The following IQSEC3 variants were observed in gnomAD, a reference collection of about 807,000 sequenced individuals.
The protein encoded by IQSEC3 is IQ motif and SEC7 domain-containing protein 3.
Under a neutral mutation model 105.4 loss-of-function variants are expected in IQSEC3, and 50 were observed. That is an observed-to-expected ratio of 0.47 (90% CI 0.38 to 0.60). The LOEUF is 0.60. Ranked by LOEUF, IQSEC3 falls within the 20% of genes least tolerant of loss-of-function variation. The probability of loss-of-function intolerance (pLI) is 0.00; values close to 1 mark genes in which losing one functional copy is unlikely to be tolerated. For synonymous variants in IQSEC3, 708 were observed against 746.0 expected, an observed-to-expected ratio of 0.95 and a Z score of 0.83; for missense variants, 1,415 against 1,630.0, an observed-to-expected ratio of 0.87 and a Z score of 2.27.
rs782628832 is a variant in IQSEC3 at position 138,881 on chromosome 12, G to C, written c.1518G>C (p.Ser506=). ...NISVSSSTAL[S]VANCLGAQTV... is the part of the protein sequence containing the mutation. The stretch of plus-strand genomic sequence containing the variant: ...CCGTCTCCTCCTCCACGGCTCTGTC[G>C]GTGGCCAACTGCCTGGGCGCTCAGA... The change falls in exon 4 of 14, where the codon TCG becomes TCC. Residue 506 remains serine, a synonymous_variant. Coordinates refer to ENST00000538872, the MANE Select transcript of IQSEC3 (RefSeq NM_001170738.2). The surrounding 1 kb of genome is among the most constrained non-coding windows in gnomAD (Gnocchi z 7.1). 1.8e-5 allele frequency: 29 copies of C among 1,611,350 alleles called. No homozygotes were observed. In the South Asian group the frequency reaches 2.8e-4, roughly 15 times the overall value.
At position 141,263 on chromosome 12, in the gene IQSEC3, C is replaced by T; in HGVS notation, c.2131C>T (p.Gln711Ter). Residue 711 changes from glutamine (Q) to a stop codon, truncating the protein, a stop_gained, in exon 5 of 14, where the codon CAG becomes TAG. Coordinates refer to ENST00000538872, the MANE Select transcript of IQSEC3 (RefSeq NM_001170738.2). LOFTEE classifies it high-confidence loss of function. ...IGEFLGNSKK[Q>*]FNRDVLDCVV... is the part of the protein sequence containing the mutation. ...AGAGTTCCTGGGCAACAGCAAGAAG[C>T]AGTTCAACCGCGACGTGCTGGAGTG... 1.2e-6 allele frequency: 2 copies of T among 1,614,112 alleles called. No homozygotes were observed. Among genetic ancestry groups the T allele is most frequent in the Non-Finnish European group, 1.7e-6 (2 of 1,180,002 alleles).
chr12:69,586 C>G lies in IQSEC3; in HGVS notation c.554+2150C>G, dbSNP rs190237544. Among the ~76,000 whole-genome samples, 3 of 152,402 alleles carry G rather than the reference C, an allele frequency of 2.0e-5. No individual in the cohort carries two copies. In the East Asian group the frequency reaches 5.8e-4, roughly 29 times the overall value. On this transcript the variant is annotated intron_variant, in intron 1 of 13. Transcript: ENST00000538872. The stretch of plus-strand genomic sequence containing the variant: ...GCCTTACTTTCTCCAGATTCTCCAG[C>G]TTTTTCTCCTGCTCCCCAATCCTGC...
At chr12:130,209 A>C (rs1288336892) in intron 3 of IQSEC3, among the ~76,000 whole-genome samples, 4 of 152,206 alleles carry the variant, frequency 2.6e-5, no homozygotes, top group African/African-American at 9.6e-5. Context: ...CCCACAGCCC[A>C]GTGGTGGGCA....
chr12:147,457 T>C (rs1866323608), intron 5 of IQSEC3, among the ~76,000 whole-genome samples: 1 of 152,124 alleles, frequency 6.6e-6, no homozygotes, highest in Non-Finnish European at 1.5e-5. Context: ...TTGCCCACAG[T>C]CACAGAGCTG....
intron 2 of IQSEC3, among the ~76,000 whole-genome samples, chr12:104,310 T>C (rs1449967770): frequency 6.6e-6 from 1 of 152,174 alleles, no homozygotes; most frequent in African/African-American, 2.4e-5. Flanking sequence ...GAGCTGCTGC[T>C]AGAATTTTTT....
At chr12:124,401 A>G (rs1333638339) in intron 2 of IQSEC3, among the ~76,000 whole-genome samples, 4 of 151,328 alleles carry the variant, frequency 2.6e-5, no homozygotes, top group Admixed American at 6.6e-5. Context: ...AAAAAAAAAA[A>G]AAAAGAAAAG....
In IQSEC3 at chr12:138,969, G is replaced by A; in HGVS notation, c.1606G>A (p.Glu536Lys). 1 of 1,549,224 alleles carries A rather than the reference G, an allele frequency of 6.5e-7. No homozygotes were observed. The highest frequency in any genetic ancestry group is 1.4e-5 in the African/African-American group (1 of 73,586). Residue 536 changes from glutamate (E) to lysine (K), a missense_variant, in exon 4 of 14, where the codon GAG (glutamate) becomes AAG (lysine). Around this residue, in one of 6 missense-constraint regions of IQSEC3, gnomAD observed 720 missense variants for 633.0 expected, o/e 1.14. Transcript: ENST00000538872. This position sits in a 1 kb window ranked among gnomAD's most constrained non-coding sequence, Gnocchi z 7.1. ...CGAGCAGGGCGAGACCTCTGGGCGG[G>A]AGGCCCCGGAAGCCCCCGCCGTGGG... ...KAEQGETSGR[E>K]APEAPAVGRE...
intron 2 of IQSEC3, among the ~76,000 whole-genome samples, chr12:124,879 GCAGCCATGGCT>G (rs1252039430): frequency 3.7e-4 from 56 of 152,220 alleles, no homozygotes; most frequent in Admixed American, 3.2e-3. Context: ...CAGGAGGGCT[GCAGCCATGGCT>G]CAGCCTGCTG....
intron 2 of IQSEC3, among the ~76,000 whole-genome samples, chr12:114,178 G>A (rs568024489): frequency 6.6e-5 from 10 of 152,320 alleles, no homozygotes; most frequent in East Asian, 3.9e-4. Context: ...CTGGATTTTC[G>A]AGGGCAGAGA....
chr12:174,849 C>G lies in IQSEC3; in HGVS notation c.3365C>G (p.Thr1122Ser), dbSNP rs962509509. The G allele has an allele frequency of 6.3e-7, 1 of 1,578,668 alleles. No individual in the cohort carries two copies. The highest frequency in any genetic ancestry group is 8.5e-7 in the Non-Finnish European group (1 of 1,170,932). Residue 1122 changes from threonine (T) to serine (S), a missense_variant, in exon 14 of 14, where the codon ACC becomes AGC. Physicochemically the swap from Thr to Ser is moderately conservative, Grantham distance 58 (BLOSUM62 1). This residue lies in a region of IQSEC3 where 419 missense variants were observed against 436.2 expected (regional missense o/e 0.96). Coordinates refer to ENST00000538872, the MANE Select transcript of IQSEC3 (RefSeq NM_001170738.2). Reference sequence around the variant, plus strand: ...CTGAGCCAGGCTCTCTCCTGCTACACCTCGTCGTCCTCTGACTCCTGCGGC... The same window carrying G: ...CTGAGCCAGGCTCTCTCCTGCTACAGCTCGTCGTCCTCTGACTCCTGCGGC... ...PLLSQALSCY[T>S]SSSSDSCGST...
intron 4 of IQSEC3, chr12:140,341 A>C (rs1456181663): frequency 6.6e-6 from 1 of 152,246 alleles, no homozygotes; most frequent in Non-Finnish European, 1.5e-5. Flanking sequence ...GGCGAAATGC[A>C]CACGATGAAA....
intron 9 of IQSEC3, among the ~76,000 whole-genome samples, chr12:164,251 C>T (rs1372511293): frequency 6.6e-6 from 1 of 152,164 alleles, no homozygotes; most frequent in Non-Finnish European, 1.5e-5. Context: ...CCAAAGTGAT[C>T]ACAAGCCTGA....
At chr12:103,242 G>A (rs1262362825) in intron 2 of IQSEC3, among the ~76,000 whole-genome samples, 1 of 151,240 alleles carries the variant, frequency 6.6e-6, no homozygotes, top group Non-Finnish European at 1.5e-5. Context: ...CCAGCATAGA[G>A]CCCATTTGTC....
chr12:83,508 C>T (rs1555071251), intron 1 of IQSEC3, among the ~76,000 whole-genome samples: 3 of 151,306 alleles, frequency 2.0e-5, no homozygotes, highest in South Asian at 2.1e-4. Context: ...AAACAGAGCA[C>T]GTGAAGACCT....
At chr12:132,276 C>T (rs553818368) in intron 3 of IQSEC3, among the ~76,000 whole-genome samples, 3 of 152,074 alleles carry the variant, frequency 2.0e-5, no homozygotes, top group South Asian at 4.2e-4. Context: ...CTCGTGGGGG[C>T]GGTCGGGGGA....
intron 1 of IQSEC3, among the ~76,000 whole-genome samples, chr12:88,699 C>A (rs2136899118): frequency 6.6e-6 from 1 of 152,204 alleles, no homozygotes; most frequent in East Asian, 1.9e-4. Context: ...AAGATCTTCC[C>A]AAAGCTCTCT....
rs574384677 is a variant in IQSEC3, at chr12:107,635, C to T, written c.623+8421C>T. On this transcript the variant is annotated intron_variant, in intron 2 of 13. Transcript: ENST00000538872. ...CTGTGTTAGCCAGGATGGTCTCGAT[C>T]TCCTGACCTCGTGATCCGCCCACCT... Among the ~76,000 whole-genome samples the T allele has an allele frequency of 3.7e-4, 57 of 152,130 alleles. No homozygotes were observed. In the South Asian group the frequency reaches 0.01, roughly 28 times the overall value.
intron 5 of IQSEC3, chr12:144,465 A>C (rs1200531868): frequency 2.0e-5 from 3 of 152,192 alleles, no homozygotes; most frequent in Non-Finnish European, 4.4e-5. Flanking sequence ...CCCCTTGGAG[A>C]CTAAAACAGC....
chr12:115,132 AC>A (rs1865009527), intron 2 of IQSEC3, among the ~76,000 whole-genome samples: 1 of 152,124 alleles, frequency 6.6e-6, no homozygotes, highest in African/African-American at 2.4e-5. Flanking sequence ...GCAATGTCCT[AC>A]CCTACTGGTA....
Sources: gnomAD v4.1 joint callset for allele counts (sites outside exome capture counted in the v4.1 genomes callset) on GRCh38, gnomAD v4.1.1 for gene constraint, gnomAD v4.1.1 regional missense constraint, Gnocchi (gnomAD v3.1) non-coding constraint, MANE v1.5 for transcripts, NCBI Gene and HGNC (gene_info 2026-07-23, HGNC 2026-07-21) for gene names.